The following MTR variants were observed in gnomAD, a reference collection of about 807,000 sequenced individuals.
The protein encoded by MTR is 5-methyltetrahydrofolate-homocysteine methyltransferase, also known as methionine synthase.
MTR carries 84 observed loss-of-function variants against 154.8 expected under a neutral mutation model. The ratio of observed to expected loss-of-function variants is 0.54; its 90% CI spans 0.45 to 0.65. The LOEUF is 0.65. Among genes scored for constraint, MTR ranks in the 30% least tolerant of loss-of-function variants. MTR has a pLI of 0.00. For synonymous variants in MTR, 554 were observed against 553.9 expected (o/e 1.00, Z 0.00); for missense variants, 1,275 against 1,570.2 (o/e 0.81, Z 3.18).
chr1:236,892,108 CAG>C (rs1334520101), intron 29 of MTR, among the ~76,000 whole-genome samples: 1 of 152,124 alleles, frequency 6.6e-6, no homozygotes, highest in Non-Finnish European at 1.5e-5. Context: ...CAGAATTCAC[CAG>C]AGTCATTAAC....
chr1:236,853,814 GTATAAT>G (rs1388898790), intron 18 of MTR, among the ~76,000 whole-genome samples: 2 of 152,162 alleles, frequency 1.3e-5, no homozygotes, highest in Non-Finnish European at 2.9e-5. Flanking sequence ...TAAAAAATGA[GTATAAT>G]TATAGCTAAT....
chr1:236,816,645 C>G (rs544350864), intron 8 of MTR, 102 bp downstream of exon 8: 1 of 942,292 alleles, frequency 1.1e-6, no homozygotes, highest in African/African-American at 1.6e-5. Context: ...CATATTTTCA[C>G]TGTACCACTT....
intron 26 of MTR, 122 bp from the exon 27 acceptor site, chr1:236,886,170 T>G (rs2147922018): frequency 1.3e-6 from 1 of 791,438 alleles, no homozygotes; most frequent in Non-Finnish European, 2.1e-6. Context: ...GAATAAACAT[T>G]CTCATGAATA....
intron 22 of MTR, among the ~76,000 whole-genome samples, chr1:236,868,425 T>C (rs1229675313): frequency 6.6e-6 from 1 of 152,196 alleles, no homozygotes; most frequent in Non-Finnish European, 1.5e-5. Flanking sequence ...ATGACTCACT[T>C]TATTGAGATA....
At chr1:236,806,340 A>G in intron 3 of MTR, 107 bp downstream of exon 3, 1 of 875,026 alleles carries the variant, frequency 1.1e-6, no homozygotes, top group Non-Finnish European at 1.9e-6. Flanking sequence ...GCTAATGCCT[A>G]GTTATCTGTT....
intron 21 of MTR, 48 bp from the exon 22 acceptor site, chr1:236,863,406 C>G: frequency 6.7e-7 from 1 of 1,485,524 alleles, no homozygotes; most frequent in African/African-American, 1.4e-5. Context: ...ACTAGGTGTT[C>G]CACCCTAAAC....
rs182952887 is a variant in MTR, at chr1:236,866,295, A to T, written c.2405+2741A>T. On this transcript the variant is annotated intron_variant, in intron 22 of 32. Transcript: ENST00000366577. Reference sequence around the variant, plus strand: ...CCTTATTATTGTATCTGTTATGATGATCTGTGATCAGTGATCAGTGTTACT... The same window carrying T: ...CCTTATTATTGTATCTGTTATGATGTTCTGTGATCAGTGATCAGTGTTACT... Among the ~76,000 whole-genome samples, 861 of 152,222 alleles carry T rather than the reference A, an allele frequency of 5.7e-3. 11 individuals carry two copies. Among genetic ancestry groups the T allele is most frequent in the African/African-American group, 0.02 (810 of 41,534 alleles).
chr1:236,803,338 G>T, intron 1 of MTR, 90 bp from the exon 2 acceptor site: 1 of 1,230,100 alleles, frequency 8.1e-7, no homozygotes, highest in Non-Finnish European at 1.2e-6. Context: ...ACTCCTTATT[G>T]GAGATTATTA....
At chr1:236,852,261 G>A (rs1420592145) in intron 16 of MTR, among the ~76,000 whole-genome samples, 1 of 151,092 alleles carries the variant, frequency 6.6e-6, no homozygotes, top group East Asian at 1.9e-4. Flanking sequence ...TTCTGCGTGT[G>A]TGTGTGTGTG....
In MTR at chr1:236,855,566, T is replaced by C. The variant is rs539778294; in HGVS notation, c.1953+2478T>C. On this transcript the variant is annotated intron_variant, in intron 18 of 32. Transcript: ENST00000366577. The stretch of plus-strand genomic sequence containing the variant: ...CTTTCTGGGAAAGTTTTCTGTTCTT[T>C]GATTTGGCCTTGATCCCTTCCTTCA... 7.8e-4 allele frequency among the ~76,000 whole-genome samples: 119 copies of C among 152,314 alleles called. 3 individuals carry two copies. Among genetic ancestry groups the C allele is most frequent in the African/African-American group, 2.8e-3 (117 of 41,556 alleles).
At position 236,897,551 on chromosome 1, in the gene MTR, T is replaced by G. The variant is rs151081130; in HGVS notation, c.3712-7T>G. 4.1e-4 allele frequency: 666 copies of G among 1,613,128 alleles called. 4 individuals are homozygous for G. In the East Asian group the frequency reaches 0.011, roughly 27 times the overall value. On this transcript the variant is annotated splice_region_variant and splice_polypyrimidine_tract_variant and intron_variant, in intron 32 of 32. Coordinates refer to ENST00000366577, the MANE Select transcript of MTR (RefSeq NM_000254.3). ...TGGTTTAATAAAATGCTTCTCATCTTTTGCAGGTTGAGGATTATGCATTGA... is the reference window on the plus strand; with the variant it reads ...TGGTTTAATAAAATGCTTCTCATCTGTTGCAGGTTGAGGATTATGCATTGA...
chr1:236,809,941 C>G (rs1661203993), intron 4 of MTR, among the ~76,000 whole-genome samples: 1 of 152,122 alleles, frequency 6.6e-6, no homozygotes, highest in Non-Finnish European at 1.5e-5. Flanking sequence ...ATTGTTAATC[C>G]TGATTTAGTA....
chr1:236,887,570 A>G (rs3768145), intron 27 of MTR, among the ~76,000 whole-genome samples: 53,671 of 152,132 alleles, frequency 0.35, 10,283 homozygotes, highest in East Asian at 0.44. Flanking sequence ...GATTAATTCA[A>G]ACATCCAAAA....
chr1:236,897,198 A>C, intron 32 of MTR, 80 bp downstream of exon 32: 1 of 1,100,784 alleles, frequency 9.1e-7, no homozygotes, highest in Non-Finnish European at 1.4e-6. Flanking sequence ...AATGTGAATG[A>C]GAATAAAGTG....
In MTR at chr1:236,824,100, G is replaced by GT. The variant is rs763680261; in HGVS notation, c.765-13dup. 1.3e-5 allele frequency: 20 copies of GT among 1,588,254 alleles called. No homozygotes were observed. In the East Asian group the frequency reaches 2.0e-4, roughly 16 times the overall value. On this transcript the variant is annotated intron_variant, in intron 8 of 32. Transcript: ENST00000366577. ...GAATGAGAGATGATGCTTTTAATAT[G>GT]TTTTTTCTGTTTTTCTAGCATTGGA...
In MTR at chr1:236,888,476, C is replaced by A. The variant is rs144277236; in HGVS notation, c.2852-705C>A. On this transcript the variant is annotated intron_variant, in intron 27 of 32. Coordinates refer to ENST00000366577, the MANE Select transcript of MTR (RefSeq NM_000254.3). Reference sequence around the variant, plus strand: ...TATATTAAACATCCACGTATACCCACTAGCCAGCTTAAGACATAACCTACC... The same window carrying A: ...TATATTAAACATCCACGTATACCCAATAGCCAGCTTAAGACATAACCTACC... 3.4e-4 allele frequency among the ~76,000 whole-genome samples: 52 copies of A among 152,372 alleles called. 3 individuals are homozygous for A. The East Asian group carries it at 0.01, about 29-fold the overall frequency.
intron 15 of MTR, among the ~76,000 whole-genome samples, chr1:236,842,781 G>GATATATAT (rs1383555055): frequency 1.6e-5 from 1 of 64,368 alleles, no homozygotes; most frequent in South Asian, 5.5e-4. Context: ...AAAAAAAAAA[G>GATATATAT]ATGTATATAT....
At chr1:236,852,408 C>T (rs1347239289) in intron 16 of MTR, 113 bp from the exon 17 acceptor site, 7 of 813,342 alleles carry the variant, frequency 8.6e-6, no homozygotes, top group Non-Finnish European at 1.5e-5. Flanking sequence ...TTACTTTGAA[C>T]TTCGGATGCT....
rs150280831 is a variant in MTR, at chr1:236,897,583, A to G, written c.3737A>G (p.Asn1246Ser). Reference protein sequence around the residue: ...DQVEDYALRKNISVAEVEKWL... With the variant: ...DQVEDYALRKSISVAEVEKWL... ...GTTGAGGATTATGCATTGAGGAAGA[A>G]CATATCTGTGGCTGAGGTTGAGAAA... is the stretch of plus-strand genomic sequence containing the variant. The change falls in exon 33 of 33, where the codon AAC becomes AGC. Residue 1246 changes from asparagine to serine, a missense_variant. By Grantham distance (46) the Asn-to-Ser change is conservative (BLOSUM62 1). Coordinates refer to ENST00000366577, the MANE Select transcript of MTR (RefSeq NM_000254.3). 1.2e-6 allele frequency: 2 copies of G among 1,613,914 alleles called. No homozygotes were observed. Among genetic ancestry groups the G allele is most frequent in the African/African-American group, 2.7e-5 (2 of 74,858 alleles).
Sources: allele counts gnomAD v4.1 joint callset (sites outside exome capture counted in the v4.1 genomes callset), GRCh38; gene constraint gnomAD v4.1.1; transcripts MANE v1.5; gene names NCBI Gene and HGNC (gene_info 2026-07-23, HGNC 2026-07-21).